CDX4: variants seen among roughly 807,000 people sequenced by gnomAD.
The protein encoded by CDX4 is homeobox protein CDX-4.
In CDX4, 11 loss-of-function variants were observed where a neutral mutation model predicts 14.1. The ratio of observed to expected loss-of-function variants is 0.78; its 90% CI spans 0.49 to 1.29. The LOEUF (loss-of-function observed/expected upper bound fraction) is 1.29, where lower values mean the gene tolerates loss of function less well. Ranked by LOEUF, CDX4 falls within the 50% of genes most tolerant of loss-of-function variation. The probability of loss-of-function intolerance (pLI) is 0.00; values close to 1 mark genes in which losing one functional copy is unlikely to be tolerated. For missense variants in CDX4, 257 were observed against 237.4 expected (o/e 1.08, Z -0.54); for synonymous variants, 100 against 93.5 (o/e 1.07, Z -0.40).
In CDX4 at chrX:73,453,607, TCAC is replaced by T. The variant is rs1297254519; in HGVS notation, c.596_598del (p.Thr199del). On this transcript the variant is annotated inframe_deletion, in exon 2 of 3. Coordinates refer to ENST00000373514, the MANE Select transcript of CDX4 (RefSeq NM_005193.2). ...AAGGAATTCCATTGCAATAGATATA[TCAC>T]CATCCAGAGAAAATCAGAGCTGGCA... 18 of 1,202,622 alleles carry T rather than the reference TCAC, an allele frequency of 1.5e-5. No homozygotes were observed. Among genetic ancestry groups the T allele is most frequent in the Non-Finnish European group, 2.0e-5 (18 of 890,576 alleles).
chrX:73,447,182 C>T lies in CDX4; in HGVS notation c.-72C>T. On this transcript the variant is annotated 5_prime_UTR_variant, in exon 1 of 3. Transcript: ENST00000373514. ...GTACTGATAAGTTTATTCTCTGCTG[C>T]TTCTCAAAGTCGAGTTGGGGCCTTA... The T allele has an allele frequency of 9.1e-7, 1 of 1,097,881 alleles. No homozygotes were observed. The highest frequency in any genetic ancestry group is 1.2e-6 in the Non-Finnish European group (1 of 811,626). 90.5% of individuals were successfully genotyped at this position (1,097,881 alleles called of 1,213,427 possible).
intron 1 of CDX4, among the ~76,000 whole-genome samples, chrX:73,450,104 T>G (rs889435201): frequency 8.9e-6 from 1 of 112,131 alleles, no homozygotes; most frequent in Non-Finnish European, 1.9e-5. Context: ...TAACCCTTGA[T>G]TAAGGTAGTC....
intron 1 of CDX4, among the ~76,000 whole-genome samples, chrX:73,451,648 AC>A (rs1569494238): frequency 9.0e-6 from 1 of 111,528 alleles, no homozygotes; most frequent in Non-Finnish European, 1.9e-5. Flanking sequence ...GTGGGGAAGG[AC>A]TACAACATTT....
chrX:73,453,913 A>T (rs2057097781), intron 2 of CDX4, among the ~76,000 whole-genome samples: 1 of 111,770 alleles, frequency 8.9e-6, no homozygotes, highest in Admixed American at 9.5e-5. Flanking sequence ...TATTAGTAAT[A>T]GTATACTAAT....
At chrX:73,454,119 T>A (rs1269321732) in intron 2 of CDX4, among the ~76,000 whole-genome samples, 1 of 111,239 alleles carries the variant, frequency 9.0e-6, no homozygotes, top group Admixed American at 9.5e-5. Context: ...AGGAGGTGGG[T>A]AAGGTATAAT....
At chrX:73,451,295 A>G (rs1179887381) in intron 1 of CDX4, among the ~76,000 whole-genome samples, 1 of 111,721 alleles carries the variant, frequency 9.0e-6, no homozygotes, top group African/African-American at 3.3e-5. Flanking sequence ...TTCATCATTT[A>G]AGAAGAAGGG....
At chrX:73,452,323 G>A (rs2057090908) in intron 1 of CDX4, among the ~76,000 whole-genome samples, 1 of 109,189 alleles carries the variant, frequency 9.2e-6, no homozygotes, top group African/African-American at 3.3e-5. Context: ...CCACTTTAAA[G>A]ACGTCTTTGT....
At chrX:73,450,059 T>A (rs2057082458) in intron 1 of CDX4, among the ~76,000 whole-genome samples, 1 of 112,293 alleles carries the variant, frequency 8.9e-6, no homozygotes, top group Non-Finnish European at 1.9e-5. Flanking sequence ...ATATGGTTTA[T>A]GACTGAGAGG....
chrX:73,450,450 T>A (rs919754710), intron 1 of CDX4, among the ~76,000 whole-genome samples: 1 of 111,958 alleles, frequency 8.9e-6, no homozygotes, highest in Non-Finnish European at 1.9e-5. Context: ...ATTGGCAAGG[T>A]GATAACCTAA....
In CDX4 at chrX:73,454,507, T is replaced by C; in HGVS notation, c.777T>C (p.Pro259=). The C allele has an allele frequency of 2.5e-6, 3 of 1,209,493 alleles. No homozygotes were observed. The highest frequency in any genetic ancestry group is 3.4e-6 in the Non-Finnish European group (3 of 893,679). ...ACTCCATCAGCCCTGGGGAACTACC[T>C]AACACTTTTTTCACCACACCATCTG... The part of the protein sequence containing the change: ...DSDSISPGEL[P]NTFFTTPSAV... Residue 259 remains proline (P), a synonymous_variant, in exon 3 of 3, where the codon CCT becomes CCC. Coordinates refer to ENST00000373514, the MANE Select transcript of CDX4 (RefSeq NM_005193.2).
At chrX:73,453,780 C>T (rs2057097402) in intron 2 of CDX4, 118 bp downstream of exon 2, 2 of 531,575 alleles carry the variant, frequency 3.8e-6, no homozygotes, top group Non-Finnish European at 3.1e-6. Context: ...ATTTCAACCA[C>T]GTGTGAAGGC....
chrX:73,447,747 A>G lies in CDX4; in HGVS notation c.494A>G (p.Gln165Arg), dbSNP rs1251478324. The change falls in exon 1 of 3, where the codon CAG (glutamine) becomes CGG (arginine). Residue 165 changes from glutamine (Q) to arginine (R), a missense_variant. By Grantham distance (43) the Gln-to-Arg change is conservative. Coordinates refer to ENST00000373514, the MANE Select transcript of CDX4 (RefSeq NM_005193.2). ...TATGCATGGATGCGCAAGACGGTGC[A>G]GGTGACGGGTGAGTAATCAATTCCA... ...SPYAWMRKTV[Q>R]VTGKTRTKEK... is the part of the protein sequence containing the mutation. The G allele has an allele frequency of 8.6e-7, 1 of 1,168,612 alleles. No individual in the cohort carries two copies. Among genetic ancestry groups the G allele is most frequent in the Admixed American group, 2.4e-5 (1 of 42,496 alleles).
chrX:73,448,811 G>A (rs2057078932), intron 1 of CDX4, among the ~76,000 whole-genome samples: 2 of 112,282 alleles, frequency 1.8e-5, no homozygotes, highest in South Asian at 7.5e-4. Context: ...AATCGACTCT[G>A]AGTATTTTCA....
chrX:73,449,507 C>G (rs1168884020), intron 1 of CDX4, among the ~76,000 whole-genome samples: 1 of 111,625 alleles, frequency 9.0e-6, no homozygotes, highest in Non-Finnish European at 1.9e-5. Flanking sequence ...CATCTTTGAG[C>G]TAAACCCTCA....
chrX:73,453,294 A>G (rs2057095104), intron 1 of CDX4, among the ~76,000 whole-genome samples: 1 of 111,759 alleles, frequency 8.9e-6, no homozygotes, highest in Non-Finnish European at 1.9e-5. Context: ...ATAGAGATAT[A>G]TGTCTATGTC....
chrX:73,453,750 C>T, intron 2 of CDX4, 88 bp downstream of exon 2: 1 of 800,846 alleles, frequency 1.2e-6, no homozygotes, highest in Non-Finnish European at 1.8e-6. Flanking sequence ...TAATGCATTG[C>T]CTTATCCCAA....
intron 1 of CDX4, among the ~76,000 whole-genome samples, chrX:73,449,060 C>T (rs767875210): frequency 9.0e-6 from 1 of 111,268 alleles, no homozygotes; most frequent in East Asian, 2.8e-4. Flanking sequence ...AAAGCGTTTG[C>T]AAGTAAATCT....
At chrX:73,450,176 C>A (rs999043552) in intron 1 of CDX4, among the ~76,000 whole-genome samples, 1 of 111,404 alleles carries the variant, frequency 9.0e-6, no homozygotes, top group African/African-American at 3.3e-5. Context: ...GGAAAAAATG[C>A]ATGTATTAGT....
chrX:73,448,107 G>A (rs1042344316), intron 1 of CDX4, among the ~76,000 whole-genome samples: 1 of 112,118 alleles, frequency 8.9e-6, no homozygotes, highest in African/African-American at 3.2e-5. Context: ...AGCTCAACGG[G>A]TGAATGAAGC....
Sources: gnomAD v4.1 joint callset for allele counts (sites outside exome capture counted in the v4.1 genomes callset) on GRCh38, gnomAD v4.1.1 for gene constraint, MANE v1.5 for transcripts, NCBI Gene and HGNC (gene_info 2026-07-23, HGNC 2026-07-21) for gene names.